RANBP2: variants seen among roughly 807,000 people sequenced by gnomAD.
The protein encoded by RANBP2 is E3 SUMO-protein ligase RanBP2.
A neutral mutation model predicts 303.6 loss-of-function variants in RANBP2; 57 were observed. The ratio of observed to expected loss-of-function variants is 0.19; its 90% CI spans 0.15 to 0.23. RANBP2 has a LOEUF of 0.23. Among genes scored for constraint, RANBP2 ranks in the 10% least tolerant of loss-of-function variants. The probability of loss-of-function intolerance (pLI) is 1.00; values close to 1 mark genes in which losing one functional copy is unlikely to be tolerated. For synonymous variants in RANBP2, 1,167 were observed against 1,301.5 expected (o/e 0.90, Z 2.23); for missense variants, 3,138 against 3,780.8 (o/e 0.83, Z 4.46).
At chr2:108,880,733 G>A in the RANBP2 span, among the ~76,000 whole-genome samples, 1 of 152,104 alleles carries the variant, frequency 6.6e-6, no homozygotes, top group Admixed American at 6.5e-5. Flanking sequence ...GCCTGCTGTT[G>A]AGACCTACTG....
the RANBP2 span, among the ~76,000 whole-genome samples, chr2:108,997,231 G>GTC: frequency 6.6e-6 from 1 of 151,944 alleles, no homozygotes; most frequent in Admixed American, 6.6e-5. Flanking sequence ...CACGAGGTCA[G>GTC]GAGATCGAGA....
chr2:109,241,911 G>C, the RANBP2 span, among the ~76,000 whole-genome samples: 7 of 151,810 alleles, frequency 4.6e-5, no homozygotes, highest in Admixed American at 1.3e-4. Context: ...GACTACAGGG[G>C]CCCACCACCT....
chr2:108,975,660 G>A, the RANBP2 span, among the ~76,000 whole-genome samples: 1 of 152,132 alleles, frequency 6.6e-6, no homozygotes, highest in Non-Finnish European at 1.5e-5. Flanking sequence ...CAGGGGTGCG[G>A]TCTGGGAGCT....
chr2:109,170,242 CT>C, the RANBP2 span, among the ~76,000 whole-genome samples: 1 of 9,788 alleles, frequency 1.0e-4, no homozygotes, highest in Non-Finnish European at 2.4e-4. Context: ...CTCTTCTTTT[CT>C]TTTCTCTTCT....
the RANBP2 span, among the ~76,000 whole-genome samples, chr2:109,636,518 C>T: frequency 6.6e-6 from 1 of 152,134 alleles, no homozygotes. Flanking sequence ...GACAGAGAGA[C>T]TGTGGAGCTC....
chr2:109,506,296 T>A, the RANBP2 span, among the ~76,000 whole-genome samples: 1 of 152,220 alleles, frequency 6.6e-6, no homozygotes, highest in Non-Finnish European at 1.5e-5. Flanking sequence ...GCGTTGAGTC[T>A]TCTTTCTCGG....
chr2:109,243,091 A>G, the RANBP2 span, among the ~76,000 whole-genome samples: 1 of 152,260 alleles, frequency 6.6e-6, no homozygotes, highest in East Asian at 1.9e-4. Flanking sequence ...TAGCGTCAGC[A>G]GCAGATGAGA....
the RANBP2 span, among the ~76,000 whole-genome samples, chr2:109,652,031 C>T: frequency 6.6e-6 from 1 of 152,306 alleles, no homozygotes; most frequent in Admixed American, 6.5e-5. Flanking sequence ...GCTTCCTCCC[C>T]AGCACAGTAC....
At chr2:109,260,009 T>C in the RANBP2 span, among the ~76,000 whole-genome samples, 18 of 152,360 alleles carry the variant, frequency 1.2e-4, no homozygotes, top group South Asian at 3.1e-3. Context: ...GCCAGAGATA[T>C]CTTTTCCAAG....
the RANBP2 span, among the ~76,000 whole-genome samples, chr2:108,840,811 T>C: frequency 6.6e-6 from 1 of 151,894 alleles, no homozygotes. Flanking sequence ...TTTCTTTTTT[T>C]CTTTTTATTT....
At chr2:108,805,377 T>C in the RANBP2 span, among the ~76,000 whole-genome samples, 1 of 152,146 alleles carries the variant, frequency 6.6e-6, no homozygotes. Context: ...GACCTTCACA[T>C]TGCTCATGTT....
At chr2:109,716,175 T>C in the RANBP2 span, among the ~76,000 whole-genome samples, 10 of 152,166 alleles carry the variant, frequency 6.6e-5, no homozygotes, top group African/African-American at 2.2e-4. Context: ...TAGTCAATTA[T>C]GTATTTGTCT....
chr2:109,306,654 C>T, the RANBP2 span, among the ~76,000 whole-genome samples: 1 of 152,210 alleles, frequency 6.6e-6, no homozygotes, highest in Non-Finnish European at 1.5e-5. Flanking sequence ...TGTTAGCAGT[C>T]GGTGGACCCC....
chr2:109,230,921 G>A, the RANBP2 span, among the ~76,000 whole-genome samples: 2 of 152,246 alleles, frequency 1.3e-5, no homozygotes, highest in Non-Finnish European at 2.9e-5. Flanking sequence ...CTAAGGGACA[G>A]CTCAAACAGG....
chr2:109,358,662 T>C, the RANBP2 span, among the ~76,000 whole-genome samples: 2 of 152,242 alleles, frequency 1.3e-5, no homozygotes, highest in Admixed American at 6.5e-5. Flanking sequence ...TTTAAGAGTT[T>C]TTTGTGTATT....
chr2:109,438,488 T>C, the RANBP2 span, among the ~76,000 whole-genome samples: 118 of 152,336 alleles, frequency 7.7e-4, no homozygotes, highest in African/African-American at 2.7e-3. Context: ...GTCTGAGGAC[T>C]ACCCTGGTGT....
the RANBP2 span, among the ~76,000 whole-genome samples, chr2:109,484,725 A>T: frequency 6.6e-6 from 1 of 152,224 alleles, no homozygotes; most frequent in Non-Finnish European, 1.5e-5. Context: ...AGAAAAGGGT[A>T]TAACAAAACT....
intron 23 of RANBP2, among the ~76,000 whole-genome samples, chr2:108,773,684 G>T (rs1273287351): frequency 1.2e-4 from 18 of 147,756 alleles, no homozygotes; most frequent in African/African-American, 4.3e-4. Context: ...GTTTCGCTCT[G>T]TCGCCAGGCT....
At chr2:108,981,386 G>C in the RANBP2 span, among the ~76,000 whole-genome samples, 1 of 152,218 alleles carries the variant, frequency 6.6e-6, no homozygotes, top group South Asian at 2.1e-4. Flanking sequence ...TCCTGAGGTT[G>C]AAGTTGTCTG....
Sources: allele counts gnomAD v4.1 joint callset (sites outside exome capture counted in the v4.1 genomes callset), GRCh38; gene constraint gnomAD v4.1.1; transcripts MANE v1.5; gene names NCBI Gene and HGNC (gene_info 2026-07-23, HGNC 2026-07-21).